Variants in CBFA2T3 observed in about 807,000 individuals in gnomAD.
CBFA2T3 encodes transcriptional corepressor CBFA2T3.
Under a neutral mutation model 58.6 loss-of-function variants are expected in CBFA2T3, and 31 were observed. The ratio of observed to expected loss-of-function variants is 0.53; its 90% CI spans 0.40 to 0.71. The LOEUF (loss-of-function observed/expected upper bound fraction) is 0.71, where lower values mean the gene tolerates loss of function less well. Ranked by LOEUF, CBFA2T3 falls within the 30% of genes least tolerant of loss-of-function variation. CBFA2T3 has a pLI of 0.00. For missense variants in CBFA2T3, 1,076 were observed against 963.1 expected, an observed-to-expected ratio of 1.12 and a Z score of -1.55; for synonymous variants, 531 against 421.9, an observed-to-expected ratio of 1.26 and a Z score of -3.17.
At chr16:88,905,874 G>A (rs983252395) in intron 1 of CBFA2T3, among the ~76,000 whole-genome samples, 1 of 149,046 alleles carries the variant, frequency 6.7e-6, no homozygotes, top group South Asian at 2.1e-4. Context: ...GGTTGCTCAG[G>A]GCAGGAGACC....
intron 1 of CBFA2T3, among the ~76,000 whole-genome samples, chr16:88,966,463 C>T (rs1022487419): frequency 1.7e-5 from 2 of 120,020 alleles, no homozygotes; most frequent in Admixed American, 1.5e-4. Context: ...CTGCCACACC[C>T]TCATCCCACC....
At chr16:88,898,688 C>G (rs1262138456) in intron 2 of CBFA2T3, among the ~76,000 whole-genome samples, 1 of 152,188 alleles carries the variant, frequency 6.6e-6, no homozygotes, top group African/African-American at 2.4e-5. Flanking sequence ...GTCTCTGAAA[C>G]AAAGCCCTGG....
chr16:88,975,185 T>TCTGCTCCTGACCTCC (rs1482557315), intron 1 of CBFA2T3, among the ~76,000 whole-genome samples: 60 of 68,676 alleles, frequency 8.7e-4, no homozygotes, highest in Non-Finnish European at 1.4e-3. Flanking sequence ...TCCACATCTT[T>TCTGCTCCTGACCTCC]AGCCATGTCA....
At chr16:88,930,910 G>A (rs972576597) in intron 1 of CBFA2T3, among the ~76,000 whole-genome samples, 4 of 151,852 alleles carry the variant, frequency 2.6e-5, no homozygotes, top group Non-Finnish European at 5.9e-5. Flanking sequence ...TGATGAGCAC[G>A]TGTGGGAGCG....
chr16:88,972,159 A>T (rs1472385048), intron 1 of CBFA2T3, among the ~76,000 whole-genome samples: 1 of 150,812 alleles, frequency 6.6e-6, no homozygotes, highest in African/African-American at 2.4e-5. Flanking sequence ...ATGGGGAAGG[A>T]GCGGAGCATT....
intron 1 of CBFA2T3, among the ~76,000 whole-genome samples, chr16:88,908,592 G>T (rs1970417465): frequency 6.6e-6 from 1 of 152,184 alleles, no homozygotes; most frequent in African/African-American, 2.4e-5. Flanking sequence ...GCCCAGCTGG[G>T]AAACAGCCAC....
chr16:88,940,718 CCG>C (rs1971691067), intron 1 of CBFA2T3, among the ~76,000 whole-genome samples: 1 of 152,186 alleles, frequency 6.6e-6, no homozygotes, highest in South Asian at 2.1e-4. Context: ...GTCACGCGGG[CCG>C]CGGGGCCTTT....
chr16:88,971,886 C>T (rs917108769), intron 1 of CBFA2T3, among the ~76,000 whole-genome samples: 10 of 152,216 alleles, frequency 6.6e-5, no homozygotes, highest in Admixed American at 3.3e-4. Context: ...GTGAAAGTGC[C>T]GGAAAACCCC....
intron 1 of CBFA2T3, 77 bp downstream of exon 1, chr16:88,976,580 G>T: frequency 8.8e-7 from 1 of 1,142,374 alleles, no homozygotes; most frequent in Non-Finnish European, 1.3e-6. Flanking sequence ...GCCCCGCGAA[G>T]CTCTAAGGAG....
At chr16:88,974,751 C>A (rs902641050) in intron 1 of CBFA2T3, among the ~76,000 whole-genome samples, 1 of 152,026 alleles carries the variant, frequency 6.6e-6, no homozygotes, top group African/African-American at 2.4e-5. Context: ...CTGTCCAGGA[C>A]CCCCCGCAGT....
rs752647580 is a variant in CBFA2T3, at chr16:88,976,803, G to T, written c.5C>A (p.Pro2Gln). 3 of 1,552,180 alleles carry T rather than the reference G, an allele frequency of 1.9e-6. No individual in the cohort carries two copies. Among genetic ancestry groups the T allele is most frequent in the Non-Finnish European group, 2.6e-6 (3 of 1,146,912 alleles). The change falls in exon 1 of 12, where the codon CCG (proline) becomes CAG (glutamine). Residue 2 changes from proline to glutamine, a missense_variant. Coordinates refer to ENST00000268679, the MANE Select transcript of CBFA2T3 (RefSeq NM_005187.6). Reference sequence around the variant, plus strand: ...TGCCCTGTCCCTCAGTCTTGAAGCCGGCATGAGGAGGGCCACCCTCAGGGG... The same window carrying T: ...TGCCCTGTCCCTCAGTCTTGAAGCCTGCATGAGGAGGGCCACCCTCAGGGG... The part of the protein sequence containing the change: M[P>Q]ASRLRDRAAS...
chr16:88,917,029 C>T (rs1052754327), intron 1 of CBFA2T3, among the ~76,000 whole-genome samples: 1 of 150,842 alleles, frequency 6.6e-6, no homozygotes, highest in Admixed American at 6.6e-5. Flanking sequence ...GGCTGAGATC[C>T]CACCACTGCA....
chr16:88,881,218 C>A, intron 9 of CBFA2T3, 73 bp downstream of exon 9: 3 of 1,338,966 alleles, frequency 2.2e-6, no homozygotes, highest in East Asian at 2.3e-5. Context: ...GCATTGCCTG[C>A]CTGACAGCTC....
chr16:88,951,055 T>C, intron 1 of CBFA2T3: 3 of 387,234 alleles, frequency 7.7e-6, no homozygotes, highest in South Asian at 1.7e-5. Context: ...TTGGCACCTG[T>C]CTTCCGGATC....
At chr16:88,940,094 A>T (rs1971660924) in intron 1 of CBFA2T3, 1 of 153,370 alleles carries the variant, frequency 6.5e-6, no homozygotes, top group African/African-American at 2.4e-5. Flanking sequence ...ACAAGCCCCC[A>T]CCCACAGGAG....
At chr16:88,974,338 C>G (rs1454701259) in intron 1 of CBFA2T3, among the ~76,000 whole-genome samples, 1 of 152,122 alleles carries the variant, frequency 6.6e-6, no homozygotes. Flanking sequence ...GCCCAGGGGT[C>G]AGTGAGGATC....
chr16:88,898,196 G>C, intron 2 of CBFA2T3, 44 bp from the exon 3 acceptor site: 1 of 1,480,404 alleles, frequency 6.8e-7, no homozygotes, highest in East Asian at 2.3e-5. Context: ...AGGGGCGTGG[G>C]CAGGAGACTC....
intron 1 of CBFA2T3, among the ~76,000 whole-genome samples, chr16:88,904,668 C>T (rs1484041300): frequency 1.3e-5 from 2 of 152,114 alleles, no homozygotes; most frequent in Admixed American, 6.5e-5. Flanking sequence ...CAGGCCCCAC[C>T]CCGGGTTGTG....
At chr16:88,948,650 G>T (rs17783241) in intron 1 of CBFA2T3, among the ~76,000 whole-genome samples, 1 of 152,206 alleles carries the variant, frequency 6.6e-6, no homozygotes, top group African/African-American at 2.4e-5. Flanking sequence ...GCAGAATGAG[G>T]TTCCTAATTG....
Sources: allele counts gnomAD v4.1 joint callset (sites outside exome capture counted in the v4.1 genomes callset), GRCh38; gene constraint gnomAD v4.1.1; transcripts MANE v1.5; gene names NCBI Gene and HGNC (gene_info 2026-07-23, HGNC 2026-07-21).